RCN1: variants seen among roughly 807,000 people sequenced by gnomAD.
The protein encoded by RCN1 is reticulocalbin 1, also known as reticulocalbin-1.
Under a neutral mutation model 34.7 loss-of-function variants are expected in RCN1, and 14 were observed. The observed-to-expected ratio is 0.40, with a 90% CI of 0.27 to 0.63. The LOEUF (loss-of-function observed/expected upper bound fraction) is 0.63. RCN1 is among the 30% of genes least tolerant of loss of function. The pLI, the probability that RCN1 is intolerant of heterozygous loss-of-function variation, is 0.37. For missense variants in RCN1, 326 were observed against 425.1 expected (o/e 0.77, Z 2.05); for synonymous variants, 125 against 165.5 (o/e 0.76, Z 1.88).
chr11:32,091,666 G>A (rs755142923), intron 1 of RCN1: 17 of 587,624 alleles, frequency 2.9e-5, no homozygotes, highest in Non-Finnish European at 4.1e-5. Context: ...GCCCCGGCCG[G>A]GGTGGTTTCT....
In RCN1 at chr11:32,100,668, C is replaced by G. The variant is rs543836422; in HGVS notation, c.688+60C>G. 7 of 1,356,944 alleles carry G rather than the reference C, an allele frequency of 5.2e-6. No individual in the cohort carries two copies. The African/African-American group carries it at 1.0e-4, about 19-fold the overall frequency. 84.1% of individuals were successfully genotyped at this position (1,356,944 alleles called of 1,614,324 possible). ...TGACTGGGCCACATGACCCCACCCA[C>G]ACGTCTGGCTACTTTCCCCAGACGT... On this transcript the variant is annotated intron_variant, in intron 4 of 5. Transcript: ENST00000054950.
rs1851923717 is a variant in RCN1, at chr11:32,091,693, C to G, written c.254+243C>G. ...GTGGTTTCTCGCGGGGAGGCGAGAA[C>G]GTGGCAGCGGCCGCGGGAGCCAGGA... On this transcript the variant is annotated intron_variant, in intron 1 of 5. Coordinates refer to ENST00000054950, the MANE Select transcript of RCN1 (RefSeq NM_002901.4). 4.1e-5 allele frequency: 20 copies of G among 488,652 alleles called. No individual in the cohort carries two copies. In the South Asian group the frequency reaches 5.4e-4, roughly 13 times the overall value. 30.3% of individuals were successfully genotyped at this position (488,652 alleles called of 1,614,324 possible). A position where few individuals can be genotyped will look rare whatever the true frequency, so the allele number is the denominator to read the frequency against.
intron 1 of RCN1, chr11:32,096,588 C>T (rs1269829620): frequency 3.1e-5 from 4 of 130,904 alleles, no homozygotes; most frequent in African/African-American, 1.2e-4. Flanking sequence ...TCTTTGTATC[C>T]ATGGTGGTGG....
intron 1 of RCN1, among the ~76,000 whole-genome samples, chr11:32,092,676 C>G (rs975786599): frequency 6.6e-6 from 1 of 152,038 alleles, no homozygotes; most frequent in African/African-American, 2.4e-5. Context: ...CACAGAGGAC[C>G]CAGCAGGCAG....
At chr11:32,095,608 C>T (rs1851965664) in intron 1 of RCN1, among the ~76,000 whole-genome samples, 1 of 152,144 alleles carries the variant, frequency 6.6e-6, no homozygotes, top group South Asian at 2.1e-4. Flanking sequence ...CGGGGTTTCA[C>T]CGTGTTAGCC....
chr11:32,091,643 T>G, intron 1 of RCN1, 193 bp downstream of exon 1: 2 of 639,008 alleles, frequency 3.1e-6, no homozygotes, highest in Non-Finnish European at 2.4e-6. Flanking sequence ...AGCTTGGAGA[T>G]CGCCGCCGCC....
At chr11:32,102,168 G>A (rs2133477568) in intron 4 of RCN1, 1 of 152,272 alleles carries the variant, frequency 6.6e-6, no homozygotes, top group South Asian at 2.1e-4. Context: ...GTAGTAGGAA[G>A]AGCACTGGAA....
intron 3 of RCN1, 100 bp from the exon 4 acceptor site, chr11:32,100,448 G>C: frequency 1.1e-6 from 1 of 937,878 alleles, no homozygotes; most frequent in Non-Finnish European, 1.7e-6. Context: ...AAGTCACCAA[G>C]CATTCAGCCG....
At chr11:32,091,965 G>C (rs1851926998) in intron 1 of RCN1, among the ~76,000 whole-genome samples, 1 of 152,166 alleles carries the variant, frequency 6.6e-6, no homozygotes, top group Non-Finnish European at 1.5e-5. Context: ...GGTCTCGGCC[G>C]CAGTGGTCTT....
At chr11:32,100,474 T>G (rs2073223) in intron 3 of RCN1, 74 bp from the exon 4 acceptor site, 655,385 of 1,223,290 alleles carry the variant, frequency 0.54, 176,893 homozygotes, top group East Asian at 0.67. Context: ...GCTGGACAAA[T>G]GAGGACAATA....
Position 32,104,556 on chromosome 11 carries a change from AG to A in RCN1, c.*85del. On this transcript the variant is annotated 3_prime_UTR_variant, in exon 6 of 6. Transcript: ENST00000054950. ...TTGCTACAATTGTCTAATTTACAGC[AG>A]TTGTGATCCCACAAAAAGCAAGTTT... is the stretch of plus-strand genomic sequence containing the variant. 1.3e-6 allele frequency: 1 copy of A among 795,290 alleles called. No individual in the cohort carries two copies. Among genetic ancestry groups the A allele is most frequent in the Non-Finnish European group, 2.1e-6 (1 of 481,508 alleles). 49.3% of individuals were successfully genotyped at this position (795,290 alleles called of 1,614,324 possible). A position where few individuals can be genotyped will look rare whatever the true frequency, so the allele number is the denominator to read the frequency against.
chr11:32,099,598 T>A (rs903892763), intron 3 of RCN1, among the ~76,000 whole-genome samples: 1 of 152,196 alleles, frequency 6.6e-6, no homozygotes, highest in African/African-American at 2.4e-5. Flanking sequence ...TCTTGTTGGG[T>A]CCCAAATGTC....
chr11:32,098,888 G>A (rs569918206), intron 3 of RCN1, among the ~76,000 whole-genome samples: 2 of 152,236 alleles, frequency 1.3e-5, no homozygotes, highest in South Asian at 4.2e-4. Context: ...GCTGACAAAG[G>A]AAAAGAGAGG....
At chr11:32,101,676 G>A (rs1259045641) in intron 4 of RCN1, among the ~76,000 whole-genome samples, 3 of 152,074 alleles carry the variant, frequency 2.0e-5, no homozygotes, top group African/African-American at 2.4e-5. Context: ...GGTAGCTCTC[G>A]CCACAGTAAT....
intron 2 of RCN1, among the ~76,000 whole-genome samples, chr11:32,097,656 A>T (rs955085847): frequency 1.3e-5 from 2 of 152,192 alleles, no homozygotes; most frequent in Admixed American, 1.3e-4. Flanking sequence ...ATATTTTCAA[A>T]ATGCTGCCTA....
At chr11:32,102,351 T>C (rs1852055291) in intron 4 of RCN1, 1 of 152,152 alleles carries the variant, frequency 6.6e-6, no homozygotes, top group African/African-American at 2.4e-5. Flanking sequence ...TCAAAAACAA[T>C]GTAGACATGT....
rs1851918195 is a variant in RCN1, at chr11:32,091,302, G to C, written c.106G>C (p.Glu36Gln). Residue 36 changes from glutamate to glutamine, a missense_variant, in exon 1 of 6, where the codon GAG (glutamate) becomes CAG (glutamine). Glu to Gln is a conservative substitution (Grantham distance 29, BLOSUM62 2). Transcript: ENST00000054950. ...VLRAKPTVRKERVVRPDSELG... is the reference protein window; with the variant it reads ...VLRAKPTVRKQRVVRPDSELG... ...GCGGGCCAAGCCCACGGTGCGCAAAGAGCGCGTGGTGCGGCCCGACTCGGA... is the reference window on the plus strand; with the variant it reads ...GCGGGCCAAGCCCACGGTGCGCAAACAGCGCGTGGTGCGGCCCGACTCGGA... The C allele has an allele frequency of 2.6e-6, 4 of 1,546,730 alleles. No individual in the cohort carries two copies. Among genetic ancestry groups the C allele is most frequent in the Non-Finnish European group, 3.5e-6 (4 of 1,145,800 alleles).
At chr11:32,097,010 C>A in intron 1 of RCN1, 134 bp from the exon 2 acceptor site, 1 of 642,928 alleles carries the variant, frequency 1.6e-6, no homozygotes, top group African/African-American at 1.9e-5. Flanking sequence ...ATCATTGATT[C>A]TGTTGTAGTT....
intron 1 of RCN1, among the ~76,000 whole-genome samples, chr11:32,095,541 G>A (rs967444203): frequency 2.0e-5 from 3 of 152,100 alleles, no homozygotes; most frequent in African/African-American, 7.2e-5. Context: ...CCGAGTAGCT[G>A]GGACTACAGG....
Sources: gnomAD v4.1 joint callset for allele counts (sites outside exome capture counted in the v4.1 genomes callset) on GRCh38, gnomAD v4.1.1 for gene constraint, MANE v1.5 for transcripts, NCBI Gene and HGNC (gene_info 2026-07-23, HGNC 2026-07-21) for gene names.